TBC1D32: variants seen among roughly 807,000 people sequenced by gnomAD.
TBC1D32 encodes protein broad-minded.
A neutral mutation model predicts 170.3 loss-of-function variants in TBC1D32; 151 were observed. The observed-to-expected ratio is 0.89, with a 90% CI of 0.78 to 1.01. The LOEUF is 1.01. TBC1D32 is among the 50% of genes least tolerant of loss of function. The pLI is 0.00. For synonymous variants in TBC1D32, 498 were observed against 488.0 expected, an observed-to-expected ratio of 1.02 and a Z score of -0.27; for missense variants, 1,464 against 1,457.1, an observed-to-expected ratio of 1.00 and a Z score of -0.08.
intron 21 of TBC1D32, among the ~76,000 whole-genome samples, chr6:121,222,970 T>G (rs6920459): frequency 0.86 from 130,673 of 152,072 alleles, 56,803 homozygotes; most frequent in Middle Eastern, 0.95. Context: ...CACTCACATG[T>G]ATACTTCTAT....
intron 22 of TBC1D32, among the ~76,000 whole-genome samples, chr6:121,183,088 G>A (rs1788748566): frequency 6.6e-6 from 1 of 151,918 alleles, no homozygotes; most frequent in Non-Finnish European, 1.5e-5. Context: ...GCATCTCTAT[G>A]TATGTGTCTC....
rs879275463 is a variant in TBC1D32 at position 121,102,534 on chromosome 6, A to T, written c.3465+3489T>A. On this transcript the variant is annotated intron_variant, in intron 30 of 31. Coordinates refer to ENST00000398212, the MANE Select transcript of TBC1D32 (RefSeq NM_152730.6). ...ATGGTGCTGGGAAAACTGGCTAGCC[A>T]TATGTAGAAAGCTGAAACTGCATCC... 2.4e-3 allele frequency among the ~76,000 whole-genome samples: 360 copies of T among 152,334 alleles called. 1 individual carries two copies. The highest frequency in any genetic ancestry group is 4.5e-3 in the Non-Finnish European group (303 of 68,030).
intron 21 of TBC1D32, among the ~76,000 whole-genome samples, chr6:121,205,634 T>C (rs17644324): frequency 0.39 from 59,753 of 152,122 alleles, 14,992 homozygotes; most frequent in Non-Finnish European, 0.57. Context: ...ATCTGCCTCA[T>C]GTAAATCAGT....
chr6:121,117,046 G>C (rs897495923), intron 26 of TBC1D32, among the ~76,000 whole-genome samples: 4 of 152,150 alleles, frequency 2.6e-5, no homozygotes, highest in Admixed American at 6.6e-5. Flanking sequence ...GGAATGTCCA[G>C]TCATTTGTAT....
chr6:121,253,393 A>AC (rs1450062149), intron 17 of TBC1D32, among the ~76,000 whole-genome samples: 29 of 152,108 alleles, frequency 1.9e-4, no homozygotes, highest in African/African-American at 7.0e-4. Context: ...GCAAATTAAA[A>AC]CCACTTATTC....
rs1794721356 is a variant in TBC1D32 at position 121,223,307 on chromosome 6, C to T, written c.2410G>A (p.Glu804Lys). The part of the protein sequence containing the change: ...VNLLSYPAIY[E>K]LVRNQDLPNK... ...GGAAGATCTTGATTCCTTACAAGCTCATAAATAGCAGGATAGGATAACAAG... is the reference window on the plus strand; with the variant it reads ...GGAAGATCTTGATTCCTTACAAGCTTATAAATAGCAGGATAGGATAACAAG... Residue 804 changes from glutamate to lysine, a missense_variant, in exon 21 of 32, where the codon GAG becomes AAG. Transcript: ENST00000398212. The T allele has an allele frequency of 1.3e-6, 2 of 1,598,620 alleles. No individual in the cohort carries two copies. The highest frequency in any genetic ancestry group is 1.7e-6 in the Non-Finnish European group (2 of 1,175,050).
chr6:121,109,596 T>G (rs1779012675), intron 29 of TBC1D32, among the ~76,000 whole-genome samples: 1 of 152,140 alleles, frequency 6.6e-6, no homozygotes, highest in Non-Finnish European at 1.5e-5. Flanking sequence ...AAACTCTGAT[T>G]CTTGATCAAA....
intron 17 of TBC1D32, among the ~76,000 whole-genome samples, chr6:121,249,857 T>A (rs1798070084): frequency 6.6e-6 from 1 of 151,526 alleles, no homozygotes; most frequent in Admixed American, 6.6e-5. Flanking sequence ...TGAAAACACA[T>A]CCCATGCTCA....
At chr6:121,263,976 C>G (rs910285655) in intron 15 of TBC1D32, among the ~76,000 whole-genome samples, 2 of 152,074 alleles carry the variant, frequency 1.3e-5, no homozygotes, top group African/African-American at 4.8e-5. Flanking sequence ...ATGCCCACAT[C>G]AGGAAGCTAG....
At chr6:121,267,124 T>C (rs1800620491) in intron 15 of TBC1D32, among the ~76,000 whole-genome samples, 1 of 140,000 alleles carries the variant, frequency 7.1e-6, no homozygotes, top group Non-Finnish European at 1.5e-5. Context: ...CAATGTGCTC[T>C]TCTAAAAAAA....
intron 30 of TBC1D32, among the ~76,000 whole-genome samples, chr6:121,103,589 AG>A (rs1200178614): frequency 1.2e-5 from 1 of 82,378 alleles, no homozygotes; most frequent in Non-Finnish European, 2.2e-5. Flanking sequence ...TGTTGTAGGG[AG>A]GGGGGAGGGG....
intron 26 of TBC1D32, among the ~76,000 whole-genome samples, chr6:121,116,170 G>GT (rs879378155): frequency 0.022 from 3,082 of 141,790 alleles, 37 homozygotes; most frequent in African/African-American, 0.05. Context: ...ATATCATGAA[G>GT]TTTTTTTTTT....
chr6:121,145,330 T>G (rs963449091), intron 24 of TBC1D32, among the ~76,000 whole-genome samples: 4 of 152,116 alleles, frequency 2.6e-5, no homozygotes, highest in Admixed American at 6.6e-5. Flanking sequence ...TGGATGAACC[T>G]TGAGGACACT....
In TBC1D32 at chr6:121,190,073, G is replaced by GACAC. The variant is rs533974518; in HGVS notation, c.2570+14998_2570+15001dup. On this transcript the variant is annotated intron_variant, in intron 22 of 31. Transcript: ENST00000398212. ...TCTTTCTTTCTCCTAGCCCAATACA[G>GACAC]ACACACACACACACACACACACACA... 1.4e-3 allele frequency among the ~76,000 whole-genome samples: 91 copies of GACAC among 63,728 alleles called. 2 individuals carry two copies. The highest frequency in any genetic ancestry group is 6.9e-3 in the East Asian group (9 of 1,312). The allele number at this position is 63,728 out of a possible 152,430, so 41.8% of individuals were successfully genotyped here.
At chr6:121,138,768 T>C (rs1298698889) in intron 24 of TBC1D32, among the ~76,000 whole-genome samples, 1 of 152,076 alleles carries the variant, frequency 6.6e-6, no homozygotes, top group East Asian at 1.9e-4. Flanking sequence ...TAAGACAGAA[T>C]ACAAAAGGCT....
At chr6:121,138,705 T>TA (rs1338528912) in intron 24 of TBC1D32, among the ~76,000 whole-genome samples, 1 of 152,196 alleles carries the variant, frequency 6.6e-6, no homozygotes, top group African/African-American at 2.4e-5. Flanking sequence ...AAGGCCTAGA[T>TA]AAATATTTGA....
chr6:121,190,501 G>A (rs760970642), intron 22 of TBC1D32, among the ~76,000 whole-genome samples: 1 of 147,940 alleles, frequency 6.8e-6, no homozygotes, highest in Non-Finnish European at 1.5e-5. Context: ...TCATCTTCCC[G>A]CCTCTAATTT....
intron 15 of TBC1D32, among the ~76,000 whole-genome samples, chr6:121,265,169 C>T (rs892041466): frequency 1.3e-5 from 2 of 152,264 alleles, no homozygotes; most frequent in African/African-American, 4.8e-5. Flanking sequence ...AAAACCCCAT[C>T]GTGTCAGCCC....
At chr6:121,086,707 T>A (rs1022985673) in intron 31 of TBC1D32, among the ~76,000 whole-genome samples, 2 of 152,206 alleles carry the variant, frequency 1.3e-5, no homozygotes, top group African/African-American at 4.8e-5. Flanking sequence ...TAGGCTGGTA[T>A]GTCAGTGAAG....
Sources: allele counts gnomAD v4.1 joint callset (sites outside exome capture counted in the v4.1 genomes callset), GRCh38; gene constraint gnomAD v4.1.1; transcripts MANE v1.5; gene names NCBI Gene and HGNC (gene_info 2026-07-23, HGNC 2026-07-21).